The following SAMD12 variants were observed in gnomAD, a reference collection of about 807,000 sequenced individuals.
SAMD12 encodes sterile alpha motif domain containing 12.
Under a neutral mutation model 15.0 loss-of-function variants are expected in SAMD12, and 9 were observed. The ratio of observed to expected loss-of-function variants is 0.60; its 90% CI spans 0.36 to 1.05. The LOEUF is 1.05. Ranked by LOEUF, SAMD12 falls within the 50% of genes least tolerant of loss-of-function variation. The pLI is 0.01. For synonymous variants in SAMD12, 86 were observed against 90.1 expected (o/e 0.96, Z 0.25); for missense variants, 230 against 234.2 (o/e 0.98, Z 0.12).
At chr8:118,401,330 C>T (rs145075869) in intron 3 of SAMD12, among the ~76,000 whole-genome samples, 1 of 152,238 alleles carries the variant, frequency 6.6e-6, no homozygotes, top group Middle Eastern at 3.4e-3. Context: ...CTTACTGGTT[C>T]CTTTTCGCCT....
chr8:118,177,333 T>C, the SAMD12 span, among the ~76,000 whole-genome samples: 23 of 151,618 alleles, frequency 1.5e-4, no homozygotes, highest in African/African-American at 4.8e-4. Flanking sequence ...CTCTACCTCC[T>C]GGGCTCAAGC....
chr8:118,396,468 C>G (rs1820575359), intron 3 of SAMD12, among the ~76,000 whole-genome samples: 2 of 152,128 alleles, frequency 1.3e-5, no homozygotes, highest in South Asian at 2.1e-4. Context: ...ACTCTGGGCT[C>G]TCTATGAAGA....
intron 2 of SAMD12, among the ~76,000 whole-genome samples, chr8:118,460,665 GA>G (rs1823390857): frequency 6.6e-6 from 1 of 152,134 alleles, no homozygotes; most frequent in African/African-American, 2.4e-5. Context: ...AAGATGGTGA[GA>G]GGGGAACATT....
At chr8:118,614,290 T>C (rs1243091403) in intron 1 of SAMD12, among the ~76,000 whole-genome samples, 1 of 152,182 alleles carries the variant, frequency 6.6e-6, no homozygotes, top group Non-Finnish European at 1.5e-5. Context: ...TTTAACCTTC[T>C]CAACATGCCT....
chr8:118,376,725 A>G (rs1819404771), downstream of SAMD12, among the ~76,000 whole-genome samples: 1 of 152,158 alleles, frequency 6.6e-6, no homozygotes, highest in Non-Finnish European at 1.5e-5. Flanking sequence ...CCTCTTTAAG[A>G]GGGAAGCCCA....
At chr8:118,232,228 TAGATG>T (rs1812327210) in intron 4 of SAMD12, among the ~76,000 whole-genome samples, 2 of 152,148 alleles carry the variant, frequency 1.3e-5, no homozygotes, top group African/African-American at 4.8e-5. Context: ...AGGTTGTGAT[TAGATG>T]AGATAAGCTT....
intron 4 of SAMD12, among the ~76,000 whole-genome samples, chr8:118,277,157 G>T (rs1182273960): frequency 6.6e-6 from 1 of 151,990 alleles, no homozygotes; most frequent in Non-Finnish European, 1.5e-5. Flanking sequence ...TAGCTTTCTG[G>T]TTTTTTGTGA....
At chr8:118,596,064 C>A (rs1371451705) in intron 1 of SAMD12, among the ~76,000 whole-genome samples, 1 of 152,156 alleles carries the variant, frequency 6.6e-6, no homozygotes, top group African/African-American at 2.4e-5. Flanking sequence ...CTTGTGATAA[C>A]CAGAGGAAGA....
chr8:118,492,082 T>A (rs957826036), intron 2 of SAMD12, among the ~76,000 whole-genome samples: 1 of 151,876 alleles, frequency 6.6e-6, no homozygotes, highest in Non-Finnish European at 1.5e-5. Flanking sequence ...TCGCAATGTA[T>A]GAAGTTCTGG....
At chr8:118,476,116 G>C (rs4398951) in intron 2 of SAMD12, among the ~76,000 whole-genome samples, 59,227 of 152,042 alleles carry the variant, frequency 0.39, 13,700 homozygotes, top group South Asian at 0.5. Flanking sequence ...AACATCAAGA[G>C]AATTGTGACT....
At chr8:118,531,577 ATTTG>A (rs1292435781) in intron 2 of SAMD12, among the ~76,000 whole-genome samples, 1 of 152,152 alleles carries the variant, frequency 6.6e-6, no homozygotes, top group Non-Finnish European at 1.5e-5. Context: ...ATGTTCTTCC[ATTTG>A]TTTGTGTCCT....
At chr8:118,419,289 G>GT (rs1373690465) in intron 3 of SAMD12, among the ~76,000 whole-genome samples, 2 of 151,210 alleles carry the variant, frequency 1.3e-5, no homozygotes, top group South Asian at 2.1e-4. Context: ...TTTTTTTGTC[G>GT]TTTTTTAATA....
chr8:118,350,563 C>T (rs559580322), intron 4 of SAMD12, among the ~76,000 whole-genome samples: 1 of 152,210 alleles, frequency 6.6e-6, no homozygotes, highest in African/African-American at 2.4e-5. Context: ...AAGTGCTGAC[C>T]GAAGTGCCTG....
chr8:118,183,921 G>A, the SAMD12 span, among the ~76,000 whole-genome samples: 2 of 152,014 alleles, frequency 1.3e-5, no homozygotes, highest in African/African-American at 4.8e-5. Context: ...GAAAACATGC[G>A]ATATTTGGTT....
At chr8:118,165,629 T>TAC in the SAMD12 span, among the ~76,000 whole-genome samples, 24 of 129,682 alleles carry the variant, frequency 1.9e-4, no homozygotes, top group African/African-American at 6.0e-4. Context: ...TATATATATA[T>TAC]ATATATACAT....
chr8:118,577,016 G>A (rs984334916), intron 2 of SAMD12, among the ~76,000 whole-genome samples: 4 of 152,112 alleles, frequency 2.6e-5, no homozygotes, highest in African/African-American at 4.8e-5. Context: ...TAGCTGTGGC[G>A]TGGCATGGCA....
At chr8:118,523,932 C>A (rs1825462587) in intron 2 of SAMD12, among the ~76,000 whole-genome samples, 2 of 152,164 alleles carry the variant, frequency 1.3e-5, no homozygotes, top group African/African-American at 4.8e-5. Context: ...ACTGTGGATG[C>A]TCCTTTAAGT....
chr8:118,408,494 T>C (rs1821243762), intron 3 of SAMD12, among the ~76,000 whole-genome samples: 1 of 152,164 alleles, frequency 6.6e-6, no homozygotes, highest in Non-Finnish European at 1.5e-5. Context: ...GACAGAATAG[T>C]CAAGTTTTCA....
chr8:118,184,275 AG>A, the SAMD12 span, among the ~76,000 whole-genome samples: 1 of 152,230 alleles, frequency 6.6e-6, no homozygotes, highest in Non-Finnish European at 1.5e-5. Context: ...AAACAAAGGC[AG>A]GGATGTATCT....
Sources: allele counts gnomAD v4.1 joint callset (sites outside exome capture counted in the v4.1 genomes callset), GRCh38; gene constraint gnomAD v4.1.1; transcripts MANE v1.5; gene names NCBI Gene and HGNC (gene_info 2026-07-23, HGNC 2026-07-21).